The following LTBP1 variants were observed in gnomAD, a reference collection of about 807,000 sequenced individuals.
LTBP1 encodes the protein latent transforming growth factor beta binding protein 1.
In LTBP1, 129 loss-of-function variants were observed where a neutral mutation model predicts 207.6. The observed-to-expected ratio is 0.62, with a 90% CI of 0.54 to 0.72. LTBP1 has a LOEUF of 0.72. LTBP1 is among the 30% of genes least tolerant of loss of function. LTBP1 has a pLI of 0.00. For missense variants in LTBP1, 2,281 were observed against 2,217.2 expected (o/e 1.03, Z -0.58); for synonymous variants, 963 against 833.7 (o/e 1.16, Z -2.67).
intron 5 of LTBP1, among the ~76,000 whole-genome samples, chr2:33,175,878 C>T (rs1043526837): frequency 1.4e-5 from 2 of 139,590 alleles, no homozygotes; most frequent in African/African-American, 5.3e-5. Context: ...AATTGGAAAT[C>T]ATCATTCTCA....
intron 30 of LTBP1, 41 bp from the exon 31 acceptor site, chr2:33,365,292 A>G (rs891308379): frequency 6.3e-7 from 1 of 1,579,580 alleles, no homozygotes; most frequent in Non-Finnish European, 8.7e-7. Flanking sequence ...ATAAATAGGA[A>G]TAACTGTGCG....
At chr2:33,154,720 T>G (rs75419920) in intron 5 of LTBP1, among the ~76,000 whole-genome samples, 2,324 of 152,270 alleles carry the variant, frequency 0.015, 24 homozygotes, top group East Asian at 0.027. Flanking sequence ...GCATCAAAGG[T>G]TATGTGTTTA....
At chr2:33,277,803 C>T (rs4670379) in intron 18 of LTBP1, among the ~76,000 whole-genome samples, 4,650 of 52,870 alleles carry the variant, frequency 0.088, 11 homozygotes, top group African/African-American at 0.15. Context: ...CTTTCTCTCT[C>T]TCTTTCTTTT....
intron 3 of LTBP1, among the ~76,000 whole-genome samples, chr2:33,068,579 T>G (rs896408223): frequency 6.6e-6 from 1 of 152,188 alleles, no homozygotes; most frequent in Admixed American, 6.5e-5. Context: ...CTAAAAATCC[T>G]CTATGCTCCA....
At chr2:33,320,794 T>C (rs2094343001) in intron 24 of LTBP1, among the ~76,000 whole-genome samples, 1 of 152,184 alleles carries the variant, frequency 6.6e-6, no homozygotes, top group African/African-American at 2.4e-5. Context: ...TCATCAGTCA[T>C]AACAACTGTA....
chr2:33,172,660 G>C (rs1406569941), intron 5 of LTBP1, among the ~76,000 whole-genome samples: 6 of 152,176 alleles, frequency 3.9e-5, no homozygotes, highest in Non-Finnish European at 8.8e-5. Flanking sequence ...AGACCTAATA[G>C]ACATCTACAG....
chr2:33,174,103 G>A (rs2148503726), intron 5 of LTBP1, among the ~76,000 whole-genome samples: 1 of 147,646 alleles, frequency 6.8e-6, no homozygotes, highest in African/African-American at 2.5e-5. Flanking sequence ...CACAAGACAG[G>A]GATGCCCTCT....
At position 33,301,511 on chromosome 2, in the gene LTBP1, C is replaced by G. The variant is rs768768708; in HGVS notation, c.3359-11C>G. The G allele has an allele frequency of 1.3e-6, 2 of 1,580,720 alleles. No homozygotes were observed. Among genetic ancestry groups the G allele is most frequent in the Admixed American group, 1.9e-5 (1 of 52,056 alleles). ...CACTTCCACAGTTTCTTTGTATTCT[C>G]TTGCTCATAGACATTGATGAATGCC... On this transcript the variant is annotated splice_polypyrimidine_tract_variant and intron_variant, in intron 21 of 33. Transcript: ENST00000404816.
chr2:33,028,280 G>T (rs62135743), intron 3 of LTBP1, among the ~76,000 whole-genome samples: 9 of 152,130 alleles, frequency 5.9e-5, no homozygotes, highest in Non-Finnish European at 8.8e-5. Context: ...ATAATGTTTT[G>T]GTGCTATGTA....
At chr2:33,053,885 A>G (rs536783609) in intron 3 of LTBP1, among the ~76,000 whole-genome samples, 1 of 152,282 alleles carries the variant, frequency 6.6e-6, no homozygotes, top group South Asian at 2.1e-4. Flanking sequence ...AATCATCCAC[A>G]TATTGAAGGA....
intron 32 of LTBP1, 108 bp from the exon 33 acceptor site, chr2:33,397,024 TG>T: frequency 1.1e-6 from 1 of 885,672 alleles, no homozygotes. Flanking sequence ...GAAATATGTA[TG>T]GACATATATG....
At chr2:33,223,928 A>G (rs749995358) in intron 9 of LTBP1, among the ~76,000 whole-genome samples, 7 of 152,240 alleles carry the variant, frequency 4.6e-5, no homozygotes, top group Non-Finnish European at 8.8e-5. Context: ...TAACTGTCCT[A>G]CAAAACAAGA....
intron 24 of LTBP1, among the ~76,000 whole-genome samples, chr2:33,332,431 A>G (rs2094506595): frequency 6.6e-6 from 1 of 151,084 alleles, no homozygotes; most frequent in South Asian, 2.1e-4. Flanking sequence ...CTCATTATAG[A>G]AAATTTAGAA....
chr2:33,116,294 C>T (rs535018835), intron 4 of LTBP1, among the ~76,000 whole-genome samples: 1 of 152,320 alleles, frequency 6.6e-6, no homozygotes, highest in Admixed American at 6.5e-5. Context: ...TTCCAGTTGT[C>T]GTTCTCTCAA....
rs1065324 is a variant in LTBP1 at position 33,187,010 on chromosome 2, G to A, written c.1356G>A (p.Ala452=). The change falls in exon 6 of 34, where the codon GCG becomes GCA. Residue 452 remains alanine (A), a synonymous_variant. Coordinates refer to ENST00000404816, the MANE Select transcript of LTBP1 (RefSeq NM_206943.4). ...LYQHSQQPGK[A]LGTHVIHSTH... ...AGCATTCCCAGCAGCCAGGCAAGGC[G>A]TTGGGGACGCATGTCATCCATTCAA... 0.48 allele frequency: 771,697 copies of A among 1,613,650 alleles called. 187,617 individuals carry two copies. Among genetic ancestry groups the A allele is most frequent in the Non-Finnish European group, 0.5 (589,031 of 1,179,764 alleles).
intron 3 of LTBP1, among the ~76,000 whole-genome samples, chr2:33,084,974 T>C (rs2078665782): frequency 6.6e-6 from 1 of 152,174 alleles, no homozygotes; most frequent in Non-Finnish European, 1.5e-5. Context: ...GAGATCTTAT[T>C]GGAAAATTAA....
At chr2:33,221,925 GA>G (rs890322389) in intron 8 of LTBP1, among the ~76,000 whole-genome samples, 154 bp from the exon 9 acceptor site, 6 of 152,120 alleles carry the variant, frequency 3.9e-5, no homozygotes, top group Admixed American at 2.6e-4. Flanking sequence ...AGCAGAATGG[GA>G]AAAAAATTAT....
intron 5 of LTBP1, among the ~76,000 whole-genome samples, chr2:33,163,493 G>T (rs531044601): frequency 6.6e-6 from 1 of 152,262 alleles, no homozygotes; most frequent in Admixed American, 6.5e-5. Context: ...AAGAGCGAGT[G>T]GGGTAGGATG....
chr2:33,211,214 A>G (rs2090286730), intron 7 of LTBP1, among the ~76,000 whole-genome samples: 1 of 152,136 alleles, frequency 6.6e-6, no homozygotes, highest in Non-Finnish European at 1.5e-5. Context: ...GGCCCTTTTA[A>G]TAGTTAAATA....
Sources: gnomAD v4.1 joint callset for allele counts (sites outside exome capture counted in the v4.1 genomes callset) on GRCh38, gnomAD v4.1.1 for gene constraint, MANE v1.5 for transcripts, NCBI Gene and HGNC (gene_info 2026-07-23, HGNC 2026-07-21) for gene names.